The following TAF1 variants were observed in gnomAD, a reference collection of about 807,000 sequenced individuals.
TAF1 encodes transcription initiation factor TFIID subunit 1.
In TAF1, 2 loss-of-function variants were observed where a neutral mutation model predicts 138.5. That is an observed-to-expected ratio of 0.01 (90% CI 0.01 to 0.05). The LOEUF (loss-of-function observed/expected upper bound fraction) is 0.05. Among genes scored for constraint, TAF1 ranks in the 10% least tolerant of loss-of-function variants. The pLI is 1.00. For synonymous variants in TAF1, 437 were observed against 503.2 expected (o/e 0.87, Z 1.76); for missense variants, 709 against 1,478.0 (o/e 0.48, Z 8.53).
chrX:71,460,390 T>A (rs2148845655), intron 36 of TAF1, among the ~76,000 whole-genome samples: 1 of 112,361 alleles, frequency 8.9e-6, no homozygotes, highest in African/African-American at 3.2e-5. Context: ...GTAGAAAAAA[T>A]ACAGATAGGT....
At chrX:71,524,097 G>A (rs1166678259) in intron 13 of TAF1, among the ~76,000 whole-genome samples, 8 of 104,252 alleles carry the variant, frequency 7.7e-5, no homozygotes, top group African/African-American at 3.5e-5. Flanking sequence ...ACACGGCTCA[G>A]TGTAGCCTCG....
intron 24 of TAF1, among the ~76,000 whole-genome samples, chrX:71,399,930 C>T (rs5980762): frequency 0.03 from 3,270 of 109,258 alleles, 104 homozygotes; most frequent in African/African-American, 0.091. Flanking sequence ...TGGGGTTTCA[C>T]CATGTTGGCC....
At position 71,458,132 on chromosome X, in the gene TAF1, T is replaced by C. The variant is rs1569371547; in HGVS notation, c.4939-109T>C. On this transcript the variant is annotated intron_variant, in intron 34 of 37. Transcript: ENST00000423759. ...GTGTCAAACTATGTTTCTCTTTAAC[T>C]GAATTGCTCTGCATGATCTTTTTCT... is the stretch of plus-strand genomic sequence containing the variant. 8.2e-6 allele frequency: 8 copies of C among 980,236 alleles called. No individual in the cohort carries two copies. In the East Asian group the frequency reaches 2.3e-4, roughly 28 times the overall value. The allele number at this position is 980,236 out of a possible 1,213,427, so 80.8% of individuals were successfully genotyped here.
chrX:71,510,940 C>A (rs1255702794), intron 13 of TAF1, among the ~76,000 whole-genome samples: 1 of 110,879 alleles, frequency 9.0e-6, no homozygotes, highest in African/African-American at 3.3e-5. Context: ...CCCGTCTCTA[C>A]TAAAAATGCA....
At chrX:71,423,529 A>G (rs954745682) in intron 30 of TAF1, among the ~76,000 whole-genome samples, 6 of 110,660 alleles carry the variant, frequency 5.4e-5, no homozygotes, top group Admixed American at 4.8e-4. Flanking sequence ...CCCTGTAGAG[A>G]GAGGATGCTA....
chrX:71,435,820 A>G (rs1039167147), intron 32 of TAF1, among the ~76,000 whole-genome samples: 1 of 110,809 alleles, frequency 9.0e-6, no homozygotes. Flanking sequence ...TTTTGGTATT[A>G]TAACTGTTCA....
At chrX:71,460,528 A>G in intron 36 of TAF1, 98 bp from the exon 37 acceptor site, 3 of 987,890 alleles carry the variant, frequency 3.0e-6, no homozygotes, top group Non-Finnish European at 4.2e-6. Context: ...ACCTGTGTAG[A>G]TGTGTGAGAG....
At position 71,423,230 on chromosome X, in the gene TAF1, A is replaced by C. The variant is rs1390371081; in HGVS notation, c.4566A>C (p.Ala1522=). The C allele has an allele frequency of 8.3e-7, 1 of 1,211,808 alleles. No individual in the cohort carries two copies. Among genetic ancestry groups the C allele is most frequent in the Non-Finnish European group, 1.1e-6 (1 of 895,456 alleles). ...LDNIVTQKMM[A]VPDSWPFHHP... is the part of the protein sequence containing the mutation. ...ACATTGTCACCCAGAAAATGATGGC[A>C]GTTCCAGATGTAAGCTGTCTCTGTG... is the stretch of plus-strand genomic sequence containing the variant. Residue 1522 remains alanine, a synonymous_variant, in exon 30 of 38, where the codon GCA becomes GCC. Coordinates refer to ENST00000423759, the MANE Select transcript of TAF1 (RefSeq NM_004606.5).
At position 71,454,797 on chromosome X, in the gene TAF1, T is replaced by C. The variant is rs1199083337; in HGVS notation, c.4878T>C (p.Ala1626=). ...ATATTTGTACTGCTAAAGAAGCAGCTTTGGAGGAAGCAGAATTAGAAAGCC... is the reference window on the plus strand; with the variant it reads ...ATATTTGTACTGCTAAAGAAGCAGCCTTGGAGGAAGCAGAATTAGAAAGCC... ...EKDICTAKEA[A]LEEAELESLD... Residue 1626 remains alanine, a synonymous_variant, in exon 34 of 38, where the codon GCT becomes GCC. Coordinates refer to ENST00000423759, the MANE Select transcript of TAF1 (RefSeq NM_004606.5). 8.3e-7 allele frequency: 1 copy of C among 1,211,181 alleles called. No individual in the cohort carries two copies. The highest frequency in any genetic ancestry group is 2.2e-5 in the Admixed American group (1 of 45,939).
chrX:71,431,962 A>G (rs887776405), intron 32 of TAF1, among the ~76,000 whole-genome samples: 46 of 110,592 alleles, frequency 4.2e-4, no homozygotes, highest in African/African-American at 1.4e-3. Context: ...TGAAAGAAGA[A>G]AAACTAGGAG....
intron 28 of TAF1, chrX:71,420,022 CTTTT>C: frequency 4.2e-6 from 1 of 240,314 alleles, no homozygotes; most frequent in Non-Finnish European, 7.6e-6. Context: ...TTTTTTAATT[CTTTT>C]TTTTTTTCCC....
intron 32 of TAF1, among the ~76,000 whole-genome samples, chrX:71,453,007 A>G (rs1251482771): frequency 3.6e-5 from 4 of 111,363 alleles, no homozygotes; most frequent in Non-Finnish European, 3.8e-5. Flanking sequence ...CCGAGATGGC[A>G]GCAGCACAGT....
At chrX:71,425,016 T>G (rs1318341403) in intron 32 of TAF1, among the ~76,000 whole-genome samples, 1 of 111,954 alleles carries the variant, frequency 8.9e-6, no homozygotes, top group Admixed American at 9.5e-5. Context: ...AGTATACGCT[T>G]ACTTTTGGAA....
chrX:71,456,095 C>T (rs970774139), intron 34 of TAF1, among the ~76,000 whole-genome samples: 3 of 111,629 alleles, frequency 2.7e-5, no homozygotes, highest in African/African-American at 9.8e-5. Flanking sequence ...AATAGGCCCA[C>T]AGCTTCCACA....
intron 2 of TAF1, among the ~76,000 whole-genome samples, 198 bp downstream of exon 2, chrX:71,367,811 C>G (rs1312875643): frequency 9.0e-6 from 1 of 111,710 alleles, no homozygotes; most frequent in African/African-American, 3.3e-5. Context: ...GCTGGGACTA[C>G]AGGCACGCAC....
intron 32 of TAF1, among the ~76,000 whole-genome samples, chrX:71,451,396 T>A (rs2037953547): frequency 8.9e-6 from 1 of 112,234 alleles, no homozygotes; most frequent in African/African-American, 3.2e-5. Context: ...AATTTGACTC[T>A]TGGCCGGCTA....
chrX:71,506,348 C>T (rs2147594337), intron 13 of TAF1, among the ~76,000 whole-genome samples: 1 of 103,878 alleles, frequency 9.6e-6, no homozygotes, highest in South Asian at 4.5e-4. Flanking sequence ...AGCGCCACTG[C>T]ACTCCAGCCT....
chrX:71,482,592 C>T (rs779859603), intron 13 of TAF1, among the ~76,000 whole-genome samples: 4 of 112,257 alleles, frequency 3.6e-5, no homozygotes, highest in Non-Finnish European at 5.6e-5. Context: ...AATACTTTAT[C>T]GCTAAAAAAA....
chrX:71,471,917 T>C (rs988959150), intron 13 of TAF1, among the ~76,000 whole-genome samples: 1 of 112,095 alleles, frequency 8.9e-6, no homozygotes, highest in Non-Finnish European at 1.9e-5. Flanking sequence ...TATGCAAACC[T>C]CTGATTAGTT....
Sources: allele counts gnomAD v4.1 joint callset (sites outside exome capture counted in the v4.1 genomes callset), GRCh38; gene constraint gnomAD v4.1.1; transcripts MANE v1.5; gene names NCBI Gene and HGNC (gene_info 2026-07-23, HGNC 2026-07-21).